Variants in ADD2 observed in about 807,000 individuals in gnomAD.
ADD2 encodes the protein adducin 2.
ADD2 carries 23 observed loss-of-function variants against 83.0 expected under a neutral mutation model. The ratio of observed to expected loss-of-function variants is 0.28; its 90% confidence interval spans 0.20 to 0.39. The LOEUF (loss-of-function observed/expected upper bound fraction) is 0.39, where lower values mean the gene tolerates loss of function less well. Among genes scored for constraint, ADD2 ranks in the 10% least tolerant of loss-of-function variants. ADD2 has a pLI of 1.00. For synonymous variants in ADD2, 375 were observed against 375.4 expected (o/e 1.00, Z 0.01); for missense variants, 758 against 944.9 (o/e 0.80, Z 2.59).
chr2:70,731,878 C>T (rs542721427), intron 1 of ADD2, among the ~76,000 whole-genome samples: 5 of 152,202 alleles, frequency 3.3e-5, no homozygotes, highest in African/African-American at 1.2e-4. Context: ...GTAGACAATG[C>T]ACCAACCAAC....
intron 1 of ADD2, among the ~76,000 whole-genome samples, chr2:70,750,182 T>C (rs1674437317): frequency 6.6e-6 from 1 of 152,194 alleles, no homozygotes; most frequent in Non-Finnish European, 1.5e-5. Flanking sequence ...CAAATATACC[T>C]TAGGAAACAA....
At chr2:70,766,091 A>AT (rs1297076422) in intron 1 of ADD2, among the ~76,000 whole-genome samples, 1 of 152,126 alleles carries the variant, frequency 6.6e-6, no homozygotes, top group Non-Finnish European at 1.5e-5. Flanking sequence ...AAACCACAGC[A>AT]TATCATGTCA....
At chr2:70,735,651 T>G (rs1442416176) in intron 1 of ADD2, among the ~76,000 whole-genome samples, 1 of 151,782 alleles carries the variant, frequency 6.6e-6, no homozygotes, top group Non-Finnish European at 1.5e-5. Context: ...ATATTCTTCC[T>G]TGATCCCCAC....
intron 15 of ADD2, among the ~76,000 whole-genome samples, chr2:70,664,589 GCA>G (rs1553365718): frequency 1.3e-5 from 2 of 152,204 alleles, no homozygotes; most frequent in Admixed American, 1.3e-4. Flanking sequence ...CCTCCCCACT[GCA>G]CAGTTAAGAA....
At position 70,767,963 on chromosome 2, in the gene ADD2, G is replaced by A. The variant is rs1675495912; in HGVS notation, c.-231C>T. The A allele has an allele frequency of 6.5e-7, 1 of 1,535,418 alleles. No homozygotes were observed. Among genetic ancestry groups the A allele is most frequent in the Non-Finnish European group, 8.7e-7 (1 of 1,146,582 alleles). ...TTATTTTATGGGTTTGGGGGGTGGG[G>A]TGCGCTTAAAAAATCCACCCAGCTA... On this transcript the variant is annotated 5_prime_UTR_variant, in exon 1 of 16. Coordinates refer to ENST00000264436, the MANE Select transcript of ADD2 (RefSeq NM_001617.4).
Position 70,768,176 on chromosome 2 carries a change from C to T in ADD2, c.-444G>A. On this transcript the variant is annotated 5_prime_UTR_variant, in exon 1 of 16. Transcript: ENST00000264436. ...CTGCCGTCAGAATTAAAGCCATTTCCCGCACGAGGCTGGGAGGAAATGAGA... is the reference window on the plus strand; with the variant it reads ...CTGCCGTCAGAATTAAAGCCATTTCTCGCACGAGGCTGGGAGGAAATGAGA... 1 of 590,728 alleles carries T rather than the reference C, an allele frequency of 1.7e-6. No homozygotes were observed. Among genetic ancestry groups the T allele is most frequent in the South Asian group, 2.1e-5 (1 of 48,474 alleles). 36.6% of individuals were successfully genotyped at this position (590,728 alleles called of 1,614,324 possible). A position where few individuals can be genotyped will look rare whatever the true frequency, so the allele number is the denominator to read the frequency against.
Position 70,768,032 on chromosome 2 carries a change from G to T in ADD2, c.-300C>A. On this transcript the variant is annotated 5_prime_UTR_variant, in exon 1 of 16. Transcript: ENST00000264436. ...TCTGCCCATGCTGCAGCCCGCGCTC[G>T]TCAGAGCTGCTGGGAGATCCCCCAG... The T allele has an allele frequency of 2.0e-6, 3 of 1,479,136 alleles. No homozygotes were observed. Among genetic ancestry groups the T allele is most frequent in the Non-Finnish European group, 2.7e-6 (3 of 1,106,812 alleles). The allele number at this position is 1,479,136 out of a possible 1,614,324, so 91.6% of individuals were successfully genotyped here.
chr2:70,666,827 C>A (rs1675819921), intron 15 of ADD2, among the ~76,000 whole-genome samples: 1 of 152,180 alleles, frequency 6.6e-6, no homozygotes, highest in African/African-American at 2.4e-5. Flanking sequence ...GATGGTGCAT[C>A]TGCCATGATT....
intron 1 of ADD2, among the ~76,000 whole-genome samples, chr2:70,766,675 A>C (rs1553386101): frequency 6.6e-6 from 1 of 152,242 alleles, no homozygotes; most frequent in Non-Finnish European, 1.5e-5. Context: ...ACATGAAAGC[A>C]GTTGCTTGCA....
intron 8 of ADD2, 106 bp downstream of exon 8, chr2:70,690,680 C>T (rs10084293): frequency 0.75 from 894,754 of 1,196,216 alleles, 337,712 homozygotes; most frequent in African/African-American, 0.94. Context: ...TCTTTTTTTT[C>T]CCCCCTCTCT....
At chr2:70,705,595 T>G (rs1671845901) in intron 3 of ADD2, among the ~76,000 whole-genome samples, 1 of 152,158 alleles carries the variant, frequency 6.6e-6, no homozygotes, top group Non-Finnish European at 1.5e-5. Context: ...CCCTTCGGCC[T>G]TCTCAAGGCA....
intron 1 of ADD2, chr2:70,760,599 T>G (rs1558585536): frequency 6.6e-6 from 1 of 151,980 alleles, no homozygotes; most frequent in Non-Finnish European, 1.5e-5. Context: ...AGCAAGAAAA[T>G]GGTTACCATA....
chr2:70,695,857 G>C, intron 5 of ADD2, 56 bp from the exon 6 acceptor site: 1 of 1,487,858 alleles, frequency 6.7e-7, no homozygotes, highest in Non-Finnish European at 9.3e-7. Flanking sequence ...CATTTCCAAG[G>C]ACACTGTGCT....
Position 70,767,993 on chromosome 2 carries a change from G to GC in ADD2, c.-262dup, listed in dbSNP as rs1232465368. On this transcript the variant is annotated 5_prime_UTR_variant, in exon 1 of 16. It removes the in-frame stop codon of an upstream open reading frame in the 5' UTR. Coordinates refer to ENST00000264436, the MANE Select transcript of ADD2 (RefSeq NM_001617.4). ...CTTAAAAAATCCACCCAGCTAATCT[G>GC]CAGGGCAGCGTTTTCTGCCCATGCT... 1.3e-6 allele frequency: 2 copies of GC among 1,532,054 alleles called. No homozygotes were observed. Among genetic ancestry groups the GC allele is most frequent in the Non-Finnish European group, 1.7e-6 (2 of 1,144,138 alleles). The allele number at this position is 1,532,054 out of a possible 1,614,324, so 94.9% of individuals were successfully genotyped here. A position where few individuals can be genotyped will look rare whatever the true frequency, so the allele number is the denominator to read the frequency against.
In ADD2 at chr2:70,676,702, T is replaced by C. The variant is rs782108126; in HGVS notation, c.1593+94A>G. ...CCAAGATCACAGGGGAAGGTGGGTA[T>C]GAGGACTCAGGGGTCCTGCAACCCA... On this transcript the variant is annotated intron_variant, in intron 13 of 15. Transcript: ENST00000264436. The surrounding 1 kb of genome is among the most constrained non-coding windows in gnomAD (Gnocchi z 4.8). The C allele has an allele frequency of 2.1e-5, 33 of 1,567,856 alleles. No homozygotes were observed. The highest frequency in any genetic ancestry group is 2.6e-5 in the Non-Finnish European group (30 of 1,154,236).
chr2:70,723,608 G>A (rs1345854473), intron 1 of ADD2, among the ~76,000 whole-genome samples: 4 of 152,126 alleles, frequency 2.6e-5, no homozygotes, highest in African/African-American at 4.8e-5. Context: ...CCACTTTTCC[G>A]TCTGAGCAGG....
intron 15 of ADD2, among the ~76,000 whole-genome samples, chr2:70,668,148 T>G (rs1302699548): frequency 6.6e-6 from 1 of 152,162 alleles, no homozygotes; most frequent in Non-Finnish European, 1.5e-5. Context: ...GCTTTCCTGT[T>G]CTAGAGCCTG....
At chr2:70,673,383 A>C (rs578169447) in intron 14 of ADD2, 1 of 1,507,562 alleles carries the variant, frequency 6.6e-7, no homozygotes, top group African/African-American at 1.4e-5. Flanking sequence ...TCAACGGGTA[A>C]GAGGTGGACC....
At chr2:70,704,273 A>ACCCCCCC in intron 4 of ADD2, 48 bp downstream of exon 4, 1 of 523,440 alleles carries the variant, frequency 1.9e-6, no homozygotes, top group South Asian at 2.0e-5. Flanking sequence ...TCCCCACCCC[A>ACCCCCCC]CCCTCCCCTC....
Sources: gnomAD v4.1 joint callset for allele counts (sites outside exome capture counted in the v4.1 genomes callset) on GRCh38, gnomAD v4.1.1 for gene constraint, Gnocchi (gnomAD v3.1) non-coding constraint, MANE v1.5 for transcripts, NCBI Gene and HGNC (gene_info 2026-07-23, HGNC 2026-07-21) for gene names.